The following ARHGAP6 variants were observed in gnomAD, a reference collection of about 807,000 sequenced individuals.
ARHGAP6 encodes rho GTPase-activating protein 6.
In ARHGAP6, 16 loss-of-function variants were observed where a neutral mutation model predicts 55.7. That is an observed-to-expected ratio of 0.29 (90% CI 0.19 to 0.44). ARHGAP6 has a LOEUF of 0.44. ARHGAP6 is among the 20% of genes least tolerant of loss of function. The pLI, the probability that ARHGAP6 is intolerant of heterozygous loss-of-function variation, is 1.00. For synonymous variants in ARHGAP6, 382 were observed against 360.9 expected, an observed-to-expected ratio of 1.06 and a Z score of -0.66; for missense variants, 698 against 808.9, an observed-to-expected ratio of 0.86 and a Z score of 1.66.
intron 2 of ARHGAP6, among the ~76,000 whole-genome samples, chrX:11,207,596 G>A (rs548284522): frequency 1.8e-5 from 2 of 111,682 alleles, no homozygotes; most frequent in East Asian, 2.8e-4. Flanking sequence ...CATTGCATCT[G>A]GCTATTTAGA....
intron 1 of ARHGAP6, among the ~76,000 whole-genome samples, chrX:11,601,944 A>G (rs1223537279): frequency 8.9e-6 from 1 of 111,856 alleles, no homozygotes; most frequent in Non-Finnish European, 1.9e-5. Context: ...AAAAAGTAAG[A>G]CAAAGCTTGA....
At chrX:11,445,693 T>C (rs2050085772) in intron 1 of ARHGAP6, among the ~76,000 whole-genome samples, 1 of 111,612 alleles carries the variant, frequency 9.0e-6, no homozygotes, top group South Asian at 3.8e-4. Flanking sequence ...CATTGGGCAA[T>C]GTGTGGGGAC....
rs1238566978 is a variant in ARHGAP6, at chrX:11,664,480, T to G, written c.349A>C (p.Ser117Arg). The G allele has an allele frequency of 8.3e-7, 1 of 1,208,434 alleles. No homozygotes were observed. Among genetic ancestry groups the G allele is most frequent in the Non-Finnish European group, 1.1e-6 (1 of 893,991 alleles). The change falls in exon 1 of 13, where the codon AGC becomes CGC. Residue 117 changes from serine (S) to arginine (R), a missense_variant. Physicochemically the swap from Ser to Arg is moderately radical, Grantham distance 110. Coordinates refer to ENST00000337414, the MANE Select transcript of ARHGAP6 (RefSeq NM_013427.3). ...STPQEKSPSG[S>R]FHFDYEVPLG... ...GGAACCTCATAGTCAAAGTGAAAGC[T>G]GCCGGATGGTGACTTCTCCTGCGGG...
intron 1 of ARHGAP6, among the ~76,000 whole-genome samples, chrX:11,501,172 C>G (rs1175227240): frequency 8.9e-6 from 1 of 112,049 alleles, no homozygotes; most frequent in Non-Finnish European, 1.9e-5. Context: ...TACTTACAAG[C>G]TGGCACAGTG....
At chrX:11,450,156 G>A (rs1035317958) in intron 1 of ARHGAP6, among the ~76,000 whole-genome samples, 20 of 110,986 alleles carry the variant, frequency 1.8e-4, no homozygotes, top group Admixed American at 5.8e-4. Context: ...TGCATAGAGC[G>A]TGATAAGTGA....
At chrX:11,344,678 C>CAAAAAAAAAA (rs34123570) in intron 1 of ARHGAP6, among the ~76,000 whole-genome samples, 37 of 28,262 alleles carry the variant, frequency 1.3e-3, no homozygotes, top group Non-Finnish European at 1.7e-3. Context: ...AACTCCATCA[C>CAAAAAAAAAA]AAAAAAAAAA....
At chrX:11,257,064 G>A (rs778816562) in intron 1 of ARHGAP6, among the ~76,000 whole-genome samples, 3 of 111,440 alleles carry the variant, frequency 2.7e-5, no homozygotes, top group Non-Finnish European at 5.7e-5. Flanking sequence ...ATTATGGTTG[G>A]GGACTCAGGC....
At chrX:11,400,969 C>T (rs1322120442) in intron 1 of ARHGAP6, among the ~76,000 whole-genome samples, 2 of 112,421 alleles carry the variant, frequency 1.8e-5, no homozygotes, top group Non-Finnish European at 3.8e-5. Flanking sequence ...CAGATCCATT[C>T]AGGAGACTGT....
At chrX:11,453,192 C>A (rs59199930) in intron 1 of ARHGAP6, among the ~76,000 whole-genome samples, 19,358 of 95,490 alleles carry the variant, frequency 0.2, 2,225 homozygotes, top group African/African-American at 0.4. Flanking sequence ...CTCTCTCTCT[C>A]TCTATATATA....
chrX:11,645,771 C>T (rs1481796176), intron 1 of ARHGAP6, among the ~76,000 whole-genome samples: 1 of 111,145 alleles, frequency 9.0e-6, no homozygotes, highest in Non-Finnish European at 1.9e-5. Flanking sequence ...CAAAGAAGAC[C>T]TACTAGAAAA....
intron 1 of ARHGAP6, among the ~76,000 whole-genome samples, chrX:11,367,049 C>T (rs372609642): frequency 9.0e-6 from 1 of 111,251 alleles, no homozygotes; most frequent in African/African-American, 3.3e-5. Context: ...GAAGAAAAGA[C>T]GTTGTCAGGA....
At chrX:11,372,908 T>G (rs1372547102) in intron 1 of ARHGAP6, among the ~76,000 whole-genome samples, 1 of 109,821 alleles carries the variant, frequency 9.1e-6, no homozygotes, top group Admixed American at 9.8e-5. Context: ...CAACCACAAT[T>G]AATATTGCTT....
chrX:11,235,682 T>A (rs2047189413), intron 2 of ARHGAP6, among the ~76,000 whole-genome samples: 1 of 111,301 alleles, frequency 9.0e-6, no homozygotes, highest in Non-Finnish European at 1.9e-5. Context: ...CTTTCTCAAG[T>A]TCAAAGTCCC....
chrX:11,247,567 C>T (rs577498258), intron 2 of ARHGAP6, among the ~76,000 whole-genome samples: 21 of 112,054 alleles, frequency 1.9e-4, no homozygotes, highest in Middle Eastern at 4.6e-3. Context: ...CAGGCATAGA[C>T]GAATTGTAAA....
chrX:11,228,731 G>A (rs755107361), intron 2 of ARHGAP6, among the ~76,000 whole-genome samples: 2 of 112,230 alleles, frequency 1.8e-5, no homozygotes, highest in Non-Finnish European at 3.8e-5. Context: ...TGAGACAACT[G>A]CAGTAAGAGT....
chrX:11,627,571 G>T (rs1350887371), intron 1 of ARHGAP6, among the ~76,000 whole-genome samples: 1 of 110,858 alleles, frequency 9.0e-6, no homozygotes, highest in East Asian at 2.8e-4. Context: ...TAATACACAG[G>T]TCACAATAAA....
At chrX:11,623,058 G>C (rs1392444319) in intron 1 of ARHGAP6, among the ~76,000 whole-genome samples, 5 of 111,547 alleles carry the variant, frequency 4.5e-5, no homozygotes, top group Non-Finnish European at 7.5e-5. Context: ...GGATGTCATA[G>C]CCAGAGCAAT....
intron 1 of ARHGAP6, chrX:11,293,300 A>G (rs2048025825): frequency 1.8e-5 from 2 of 112,109 alleles, no homozygotes; most frequent in African/African-American, 6.5e-5. Flanking sequence ...CTTCTAAAAA[A>G]TCATGATACA....
At chrX:11,353,791 T>C (rs768057472) in intron 1 of ARHGAP6, among the ~76,000 whole-genome samples, 1 of 111,222 alleles carries the variant, frequency 9.0e-6, no homozygotes, top group African/African-American at 3.3e-5. Context: ...CTCTCTGTAC[T>C]TTCTGATCAT....
Sources: gnomAD v4.1 joint callset for allele counts (sites outside exome capture counted in the v4.1 genomes callset) on GRCh38, gnomAD v4.1.1 for gene constraint, MANE v1.5 for transcripts, NCBI Gene and HGNC (gene_info 2026-07-23, HGNC 2026-07-21) for gene names.